The following FAR1 variants were observed in gnomAD, a reference collection of about 807,000 sequenced individuals.
FAR1 encodes the protein male sterility domain-containing protein 2.
In FAR1, 22 loss-of-function variants were observed where a neutral mutation model predicts 61.1. The ratio of observed to expected loss-of-function variants is 0.36; its 90% CI spans 0.26 to 0.51. The LOEUF (loss-of-function observed/expected upper bound fraction) is 0.51, where lower values mean the gene tolerates loss of function less well. Among genes scored for constraint, FAR1 ranks in the 20% least tolerant of loss-of-function variants. FAR1 has a pLI of 0.95. For synonymous variants in FAR1, 206 were observed against 209.7 expected, an observed-to-expected ratio of 0.98 and a Z score of 0.15; for missense variants, 359 against 626.9, an observed-to-expected ratio of 0.57 and a Z score of 4.56.
chr11:13,668,971 C>T (rs1847960537), intron 1 of FAR1, among the ~76,000 whole-genome samples, 165 bp downstream of exon 1: 1 of 152,104 alleles, frequency 6.6e-6, no homozygotes, highest in Non-Finnish European at 1.5e-5. Flanking sequence ...GTGAGGGCGC[C>T]CGCCTCACCC....
intron 1 of FAR1, among the ~76,000 whole-genome samples, chr11:13,693,425 G>C (rs1008381688): frequency 5.3e-5 from 8 of 152,146 alleles, no homozygotes; most frequent in African/African-American, 1.9e-4. Context: ...GTGGATGTTT[G>C]GAGCAACCAT....
At position 13,731,467 on chromosome 11, in the gene FAR1, A is replaced by C. The variant is rs1318652152; in HGVS notation, c.*2693A>C. ...TTGGGTGCCTTTGTTTGTAAACCAA[A>C]AAGTAATAAATGAATCCCTATATTT... On this transcript the variant is annotated 3_prime_UTR_variant, in exon 12 of 12. Coordinates refer to ENST00000354817, the MANE Select transcript of FAR1 (RefSeq NM_032228.6). 1 of 152,596 alleles carries C rather than the reference A, an allele frequency of 6.6e-6. No homozygotes were observed. Among genetic ancestry groups the C allele is most frequent in the Admixed American group, 6.6e-5 (1 of 15,266 alleles). The allele number at this position is 152,596 out of a possible 1,614,324, so 9.5% of individuals were successfully genotyped here.
At chr11:13,682,322 C>A (rs569607487) in intron 1 of FAR1, among the ~76,000 whole-genome samples, 11 of 152,250 alleles carry the variant, frequency 7.2e-5, no homozygotes, top group South Asian at 6.2e-4. Context: ...CTTCATTTTT[C>A]TGAATGTTTG....
intron 1 of FAR1, among the ~76,000 whole-genome samples, chr11:13,678,578 T>C (rs879802613): frequency 5.3e-5 from 8 of 152,236 alleles, no homozygotes; most frequent in Admixed American, 1.3e-4. Flanking sequence ...AAATCATTTA[T>C]AGTCCATCAG....
At chr11:13,728,470 ACAGTATAC>A (rs1342885813) in intron 11 of FAR1, 134 bp from the exon 12 acceptor site, 1 of 704,502 alleles carries the variant, frequency 1.4e-6, no homozygotes, top group Non-Finnish European at 2.4e-6. Context: ...TGTTTTACCT[ACAGTATAC>A]TTAATGCCTA....
chr11:13,718,345 G>T (rs1205653908), intron 9 of FAR1, among the ~76,000 whole-genome samples: 1 of 152,012 alleles, frequency 6.6e-6, no homozygotes, highest in Non-Finnish European at 1.5e-5. Context: ...GTCCTCTTTT[G>T]CCCTCTTTCA....
intron 1 of FAR1, among the ~76,000 whole-genome samples, chr11:13,675,455 T>C (rs1470159750): frequency 6.6e-6 from 1 of 152,248 alleles, no homozygotes; most frequent in Non-Finnish European, 1.5e-5. Flanking sequence ...GAATAAGTTA[T>C]ATCTAAATCT....
intron 9 of FAR1, chr11:13,720,378 A>G (rs550262324): frequency 1.3e-5 from 2 of 152,300 alleles, no homozygotes; most frequent in South Asian, 2.1e-4. Context: ...TTAGAAAAAA[A>G]TAATCACCTA....
chr11:13,709,837 C>G (rs1848477888), intron 4 of FAR1, among the ~76,000 whole-genome samples: 1 of 152,024 alleles, frequency 6.6e-6, no homozygotes, highest in Non-Finnish European at 1.5e-5. Flanking sequence ...TAGAGTATGA[C>G]AATATACTGA....
At chr11:13,682,215 C>T (rs778792481) in intron 1 of FAR1, among the ~76,000 whole-genome samples, 25 of 152,142 alleles carry the variant, frequency 1.6e-4, no homozygotes, top group South Asian at 4.1e-4. Context: ...ATTTGTTGGC[C>T]ATTTTACAGT....
chr11:13,727,956 T>C (rs1186526504), intron 11 of FAR1, among the ~76,000 whole-genome samples: 3 of 152,018 alleles, frequency 2.0e-5, no homozygotes, highest in South Asian at 4.1e-4. Flanking sequence ...AGGAAAGTTA[T>C]ATTTGCCTAA....
At chr11:13,691,119 A>G (rs1031011996) in intron 1 of FAR1, among the ~76,000 whole-genome samples, 1 of 152,158 alleles carries the variant, frequency 6.6e-6, no homozygotes, top group Admixed American at 6.5e-5. Flanking sequence ...AAATGTACCA[A>G]TTGTTTTGGT....
At chr11:13,702,657 CAAAA>C (rs1591264351) in intron 3 of FAR1, among the ~76,000 whole-genome samples, 1 of 151,978 alleles carries the variant, frequency 6.6e-6, no homozygotes, top group South Asian at 2.1e-4. Context: ...CCTTCATAGA[CAAAA>C]GAAAGAGTTC....
At chr11:13,726,672 T>C (rs1264715498) in intron 10 of FAR1, among the ~76,000 whole-genome samples, 2 of 151,664 alleles carry the variant, frequency 1.3e-5, no homozygotes, top group African/African-American at 2.4e-5. Context: ...GGTGACTTGG[T>C]TTCTTATTTT....
At chr11:13,690,920 A>T (rs1848242564) in intron 1 of FAR1, among the ~76,000 whole-genome samples, 1 of 152,212 alleles carries the variant, frequency 6.6e-6, no homozygotes, top group Non-Finnish European at 1.5e-5. Context: ...GGTCTTATAT[A>T]TCTTTTCTAT....
rs1848607846 is a variant in FAR1 at position 13,721,381 on chromosome 11, A to C, written c.1128-349A>C. 2 of 164,898 alleles carry C rather than the reference A, an allele frequency of 1.2e-5. No individual in the cohort carries two copies. The allele number at this position is 164,898 out of a possible 1,614,324, so 10.2% of individuals were successfully genotyped here. A position where few individuals can be genotyped will look rare whatever the true frequency, so the allele number is the denominator to read the frequency against. On this transcript the variant is annotated intron_variant, in intron 9 of 11. Coordinates refer to ENST00000354817, the MANE Select transcript of FAR1 (RefSeq NM_032228.6). The surrounding 1 kb of genome is among the most constrained non-coding windows in gnomAD (Gnocchi z 4.2). Reference sequence around the variant, plus strand: ...TAGTTTAAGGAATAGAAAGCAAGGAAATATTAATTGAATCCATTCATTTGC... The same window carrying C: ...TAGTTTAAGGAATAGAAAGCAAGGACATATTAATTGAATCCATTCATTTGC...
At position 13,722,747 on chromosome 11, in the gene FAR1, G is replaced by A. The variant is rs552484149; in HGVS notation, c.1257+888G>A. Among the ~76,000 whole-genome samples, 13 of 151,998 alleles carry A rather than the reference G, an allele frequency of 8.6e-5. No individual in the cohort carries two copies. In the East Asian group the frequency reaches 2.5e-3, roughly 29 times the overall value. On this transcript the variant is annotated intron_variant, in intron 10 of 11. Transcript: ENST00000354817. Reference sequence around the variant, plus strand: ...CCACCTCAGCCTCCCCAAGTGCTGGGATTACAGGCGTGAGCCATCACACCC... The same window carrying A: ...CCACCTCAGCCTCCCCAAGTGCTGGAATTACAGGCGTGAGCCATCACACCC...
intron 4 of FAR1, among the ~76,000 whole-genome samples, chr11:13,708,871 T>G (rs1408902752): frequency 6.6e-6 from 1 of 152,176 alleles, no homozygotes; most frequent in African/African-American, 2.4e-5. Flanking sequence ...TGAGATCCTG[T>G]CAGCAATTGT....
chr11:13,712,344 C>G (rs1174772765), intron 7 of FAR1, among the ~76,000 whole-genome samples: 2 of 150,428 alleles, frequency 1.3e-5, no homozygotes, highest in Admixed American at 6.6e-5. Context: ...CAAACTAAAA[C>G]TTGTTGAATA....
Sources: gnomAD v4.1 joint callset for allele counts (sites outside exome capture counted in the v4.1 genomes callset) on GRCh38, gnomAD v4.1.1 for gene constraint, Gnocchi (gnomAD v3.1) non-coding constraint, MANE v1.5 for transcripts, NCBI Gene and HGNC (gene_info 2026-07-23, HGNC 2026-07-21) for gene names.